The following STPG2 variants were observed in gnomAD, a reference collection of about 807,000 sequenced individuals.
STPG2 encodes the protein sperm-tail PG-rich repeat-containing protein 2.
STPG2 carries 56 observed loss-of-function variants against 54.2 expected under a neutral mutation model. The ratio of observed to expected loss-of-function variants is 1.03; its 90% CI spans 0.83 to 1.29. The LOEUF is 1.29. Ranked by LOEUF, STPG2 falls within the 50% of genes most tolerant of loss-of-function variation. The pLI, the probability that STPG2 is intolerant of heterozygous loss-of-function variation, is 0.00. For synonymous variants in STPG2, 200 were observed against 181.8 expected, an observed-to-expected ratio of 1.10 and a Z score of -0.81; for missense variants, 596 against 544.9, an observed-to-expected ratio of 1.09 and a Z score of -0.93.
intron 2 of STPG2, among the ~76,000 whole-genome samples, chr4:98,129,589 G>T (rs1379648179): frequency 6.6e-6 from 1 of 151,844 alleles, no homozygotes; most frequent in Non-Finnish European, 1.5e-5. Context: ...AAGTTTTAGG[G>T]TGATTATCCT....
Position 97,840,693 on chromosome 4 carries a change from C to G in STPG2, c.1204+80G>C, listed in dbSNP as rs1449727528. 12 of 1,474,884 alleles carry G rather than the reference C, an allele frequency of 8.1e-6. No homozygotes were observed. The East Asian group carries it at 2.3e-4, about 28-fold the overall frequency. The allele number at this position is 1,474,884 out of a possible 1,614,324, so 91.4% of individuals were successfully genotyped here. Reference sequence around the variant, plus strand: ...GCTTAACTTTTCAGTCTCCAAGAACCTATCAATGATTCTAGATATTTTAAT... The same window carrying G: ...GCTTAACTTTTCAGTCTCCAAGAACGTATCAATGATTCTAGATATTTTAAT... On this transcript the variant is annotated intron_variant, in intron 9 of 10. Coordinates refer to ENST00000295268, the MANE Select transcript of STPG2 (RefSeq NM_174952.3).
At chr4:97,651,062 G>C (rs1005257715) in intron 10 of STPG2, among the ~76,000 whole-genome samples, 1 of 151,800 alleles carries the variant, frequency 6.6e-6, no homozygotes, top group Non-Finnish European at 1.5e-5. Flanking sequence ...AAACATTCTT[G>C]CTGAATATAA....
rs902359978 is a variant in STPG2 at position 97,823,347 on chromosome 4, G to A, written c.1204+17426C>T. 1.1e-4 allele frequency among the ~76,000 whole-genome samples: 17 copies of A among 152,196 alleles called. No individual in the cohort carries two copies. The South Asian group carries it at 2.5e-3, about 22-fold the overall frequency. On this transcript the variant is annotated intron_variant, in intron 9 of 10. Coordinates refer to ENST00000295268, the MANE Select transcript of STPG2 (RefSeq NM_174952.3). ...CTCATTTACCATTCTGAAAATCCTA[G>A]GATCCTTAAAAATTATGCTAAATAT...
At chr4:97,459,736 C>T (rs895301876) in intron 4 of STPG2, among the ~76,000 whole-genome samples, 2 of 152,120 alleles carry the variant, frequency 1.3e-5, no homozygotes, top group South Asian at 2.1e-4. Context: ...CCACCGTGCC[C>T]GGCCAGGATG....
At chr4:97,910,793 G>A (rs1439143175) in intron 8 of STPG2, among the ~76,000 whole-genome samples, 4 of 152,230 alleles carry the variant, frequency 2.6e-5, no homozygotes, top group South Asian at 4.2e-4. Context: ...TTTAAAGCAG[G>A]TATCATACGA....
intron 4 of STPG2, among the ~76,000 whole-genome samples, chr4:97,543,858 G>A (rs971482442): frequency 1.3e-5 from 2 of 152,074 alleles, no homozygotes; most frequent in Non-Finnish European, 2.9e-5. Flanking sequence ...TAAACTCATA[G>A]ATGGTTAGCT....
chr4:97,561,086 A>G (rs1008300102), intron 10 of STPG2, among the ~76,000 whole-genome samples: 2 of 151,868 alleles, frequency 1.3e-5, no homozygotes, highest in Admixed American at 6.6e-5. Context: ...AAGTGTTCCT[A>G]TTTCTCCACA....
chr4:97,920,586 G>A (rs751869587), intron 8 of STPG2, among the ~76,000 whole-genome samples: 1 of 151,636 alleles, frequency 6.6e-6, no homozygotes, highest in Non-Finnish European at 1.5e-5. Flanking sequence ...TAATGAAAAT[G>A]TAAATCAACC....
intron 5 of STPG2, among the ~76,000 whole-genome samples, chr4:98,020,793 A>G (rs1368414940): frequency 6.6e-6 from 1 of 152,162 alleles, no homozygotes; most frequent in Non-Finnish European, 1.5e-5. Flanking sequence ...AAGATTTTCT[A>G]GTTTATTTGT....
intron 9 of STPG2, among the ~76,000 whole-genome samples, chr4:97,733,293 T>G (rs1724866776): frequency 6.6e-6 from 1 of 151,928 alleles, no homozygotes; most frequent in African/African-American, 2.4e-5. Context: ...TTGCAGAAAC[T>G]TGGATGGAGC....
intron 5 of STPG2, among the ~76,000 whole-genome samples, chr4:98,040,552 C>T (rs1224793118): frequency 2.6e-5 from 4 of 151,722 alleles, no homozygotes; most frequent in South Asian, 4.2e-4. Flanking sequence ...CCAATTTTCC[C>T]GGCACCATTT....
chr4:97,829,745 C>T (rs1364543250), intron 9 of STPG2, among the ~76,000 whole-genome samples: 2 of 151,768 alleles, frequency 1.3e-5, no homozygotes, highest in Non-Finnish European at 2.9e-5. Context: ...TATCAATAGC[C>T]AAATTGATCA....
intron 8 of STPG2, among the ~76,000 whole-genome samples, chr4:97,889,765 AAC>A (rs754332072): frequency 6.6e-6 from 1 of 152,166 alleles, no homozygotes; most frequent in African/African-American, 2.4e-5. Flanking sequence ...TCTATTGTAT[AAC>A]ATGGTGACTA....
chr4:97,972,436 A>G lies in STPG2; in HGVS notation c.777T>C (p.Pro259=). 1.3e-6 allele frequency: 2 copies of G among 1,508,386 alleles called. No homozygotes were observed. The highest frequency in any genetic ancestry group is 1.3e-5 in the South Asian group (1 of 75,242). The allele number at this position is 1,508,386 out of a possible 1,614,324, so 93.4% of individuals were successfully genotyped here. ...QDIRTEEMPG[P]GFYNVLNNTI... ...TATTGTTCAAGACATTATAAAATCC[A>G]GGACCTAAAATTATTAGAAGTATCA... The change falls in exon 7 of 11, where the codon CCT becomes CCC. Residue 259 remains proline, a synonymous_variant. Transcript: ENST00000295268.
At chr4:97,634,909 A>G (rs1377545739) in intron 10 of STPG2, among the ~76,000 whole-genome samples, 1 of 152,126 alleles carries the variant, frequency 6.6e-6, no homozygotes. Flanking sequence ...AAGTTGGAAA[A>G]CACTCTGCAG....
At chr4:98,077,362 C>A (rs1379232606) in intron 5 of STPG2, among the ~76,000 whole-genome samples, 1 of 152,076 alleles carries the variant, frequency 6.6e-6, no homozygotes, top group Non-Finnish European at 1.5e-5. Context: ...CCTGCCTCAG[C>A]CTCCTGAGTA....
At chr4:97,937,319 G>A (rs967047657) in intron 8 of STPG2, among the ~76,000 whole-genome samples, 1 of 151,976 alleles carries the variant, frequency 6.6e-6, no homozygotes, top group African/African-American at 2.4e-5. Context: ...CATTGGGTTA[G>A]AACATGCTCC....
intron 8 of STPG2, among the ~76,000 whole-genome samples, chr4:97,904,042 C>T (rs2149190079): frequency 6.6e-6 from 1 of 152,352 alleles, no homozygotes; most frequent in East Asian, 1.9e-4. Context: ...CAGCATTGCC[C>T]AGGCTTGCTT....
At chr4:97,946,677 T>C (rs1227327532) in intron 7 of STPG2, among the ~76,000 whole-genome samples, 1 of 152,110 alleles carries the variant, frequency 6.6e-6, no homozygotes, top group Non-Finnish European at 1.5e-5. Context: ...TGCTGTTCTA[T>C]GCTTTGTCAA....
Sources: gnomAD v4.1 joint callset for allele counts (sites outside exome capture counted in the v4.1 genomes callset) on GRCh38, gnomAD v4.1.1 for gene constraint, MANE v1.5 for transcripts, NCBI Gene and HGNC (gene_info 2026-07-23, HGNC 2026-07-21) for gene names.